Variants in ACTR3 observed in about 807,000 individuals in gnomAD.
The protein encoded by ACTR3 is actin-related protein 3.
ACTR3 carries 12 observed loss-of-function variants against 56.8 expected under a neutral mutation model. That is an observed-to-expected ratio of 0.21 (90% CI 0.14 to 0.34). ACTR3 has a LOEUF of 0.34. Ranked by LOEUF, ACTR3 falls within the 10% of genes least tolerant of loss-of-function variation. The pLI is 1.00. For synonymous variants in ACTR3, 162 were observed against 167.4 expected (o/e 0.97, Z 0.25); for missense variants, 282 against 512.5 (o/e 0.55, Z 4.34).
chr2:113,951,610 A>T, intron 9 of ACTR3, 39 bp downstream of exon 9: 1 of 1,567,632 alleles, frequency 6.4e-7, no homozygotes, highest in East Asian at 2.2e-5. Context: ...TCTTACTTTA[A>T]AAAAACTTAA....
chr2:113,890,030 G>C, upstream of ACTR3: 1 of 586,366 alleles, frequency 1.7e-6, no homozygotes, highest in Non-Finnish European at 3.1e-6. Flanking sequence ...TGAGGAGGAG[G>C]GAAGAGAGAG....
At chr2:113,902,133 C>T (rs1679110971) in intron 1 of ACTR3, among the ~76,000 whole-genome samples, 1 of 152,134 alleles carries the variant, frequency 6.6e-6, no homozygotes, top group Non-Finnish European at 1.5e-5. Context: ...TGACTGTCCC[C>T]AAATCCACTT....
At chr2:113,924,319 C>T (rs960516444) in intron 3 of ACTR3, among the ~76,000 whole-genome samples, 13 of 151,884 alleles carry the variant, frequency 8.6e-5, no homozygotes, top group Admixed American at 8.5e-4. Context: ...TCAAGCCATC[C>T]TCTCACCTTG....
At chr2:113,908,564 TTAAAG>T (rs1489002723) in intron 1 of ACTR3, among the ~76,000 whole-genome samples, 2 of 152,002 alleles carry the variant, frequency 1.3e-5, no homozygotes, top group Non-Finnish European at 1.5e-5. Context: ...CATATAAGCA[TTAAAG>T]TATTTTTATA....
intron 1 of ACTR3, among the ~76,000 whole-genome samples, chr2:113,908,490 AT>A (rs1423201647): frequency 1.3e-5 from 2 of 151,342 alleles, no homozygotes; most frequent in African/African-American, 4.8e-5. Context: ...ATACTTTCTA[AT>A]TTTTTTCTTT....
chr2:113,906,826 A>G (rs988430708), intron 1 of ACTR3, among the ~76,000 whole-genome samples: 1 of 152,170 alleles, frequency 6.6e-6, no homozygotes, highest in African/African-American at 2.4e-5. Flanking sequence ...TTCTTATGCC[A>G]GTACCATACT....
Position 113,931,455 on chromosome 2 carries a change from T to A in ACTR3, c.432+59T>A, listed in dbSNP as rs1679722044. On this transcript the variant is annotated intron_variant, in intron 5 of 11. Transcript: ENST00000263238. ...TACATTTTAACCTAGTTTAATTTGC[T>A]GCCTAAAATACGTACTTTTTTTTTT... 5.0e-6 allele frequency: 6 copies of A among 1,195,320 alleles called. No individual in the cohort carries two copies. In the South Asian group the frequency reaches 6.5e-5, roughly 13 times the overall value. The allele number at this position is 1,195,320 out of a possible 1,614,324, so 74.0% of individuals were successfully genotyped here. A position where few individuals can be genotyped will look rare whatever the true frequency, so the allele number is the denominator to read the frequency against.
chr2:113,929,928 C>T (rs1224258154), intron 4 of ACTR3, among the ~76,000 whole-genome samples: 2 of 152,178 alleles, frequency 1.3e-5, no homozygotes, highest in Non-Finnish European at 2.9e-5. Flanking sequence ...ATCTGCCCAC[C>T]TCGGCCTCCC....
At chr2:113,899,502 CA>C (rs1237212453) in intron 1 of ACTR3, among the ~76,000 whole-genome samples, 1 of 152,106 alleles carries the variant, frequency 6.6e-6, no homozygotes, top group Non-Finnish European at 1.5e-5. Flanking sequence ...AGTTTAGTTT[CA>C]AAGATGAAAC....
At chr2:113,939,268 C>T (rs1394991085) in intron 6 of ACTR3, among the ~76,000 whole-genome samples, 9 of 152,094 alleles carry the variant, frequency 5.9e-5, no homozygotes, top group East Asian at 3.9e-4. Flanking sequence ...GTGATCCGCC[C>T]GTCTCGGCCT....
chr2:113,908,625 G>A (rs1345166199), intron 1 of ACTR3, among the ~76,000 whole-genome samples: 2 of 151,586 alleles, frequency 1.3e-5, no homozygotes, highest in Non-Finnish European at 2.9e-5. Context: ...CTACGGTTCT[G>A]TTCTTATTTT....
chr2:113,942,480 A>G (rs894202284), intron 8 of ACTR3, 121 bp downstream of exon 8: 2 of 643,378 alleles, frequency 3.1e-6, no homozygotes, highest in Non-Finnish European at 4.5e-6. Flanking sequence ...GTTTTTATGA[A>G]AAGTTTATAA....
chr2:113,942,745 C>A (rs1489101449), intron 8 of ACTR3, among the ~76,000 whole-genome samples: 1 of 151,718 alleles, frequency 6.6e-6, no homozygotes, highest in Non-Finnish European at 1.5e-5. Flanking sequence ...GTAAAATGAC[C>A]ATTATACAAA....
chr2:113,927,255 C>G lies in ACTR3; in HGVS notation c.226-90C>G, dbSNP rs190516706. ...TATGAATATATCCTCATCTAATATC[C>G]ACTAATGATCTGATATTTCCTTTTT... On this transcript the variant is annotated intron_variant, in intron 3 of 11. Coordinates refer to ENST00000263238, the MANE Select transcript of ACTR3 (RefSeq NM_005721.5). 1.1e-5 allele frequency: 8 copies of G among 738,042 alleles called. No individual in the cohort carries two copies. In the Admixed American group the frequency reaches 2.2e-4, roughly 21 times the overall value. The allele number at this position is 738,042 out of a possible 1,614,324, so 45.7% of individuals were successfully genotyped here. A position where few individuals can be genotyped will look rare whatever the true frequency, so the allele number is the denominator to read the frequency against.
At chr2:113,923,389 G>A (rs558338403) in intron 3 of ACTR3, among the ~76,000 whole-genome samples, 42 of 152,190 alleles carry the variant, frequency 2.8e-4, no homozygotes, top group African/African-American at 9.2e-4. Context: ...CCAGGCTAGA[G>A]TGCAGTGGCG....
At chr2:113,901,964 T>C (rs1041066000) in intron 1 of ACTR3, among the ~76,000 whole-genome samples, 2 of 152,258 alleles carry the variant, frequency 1.3e-5, no homozygotes, top group African/African-American at 4.8e-5. Flanking sequence ...CAGGCATAAG[T>C]TGTTTTACTA....
At chr2:113,935,232 A>G (rs949553190) in intron 6 of ACTR3, among the ~76,000 whole-genome samples, 4 of 149,382 alleles carry the variant, frequency 2.7e-5, no homozygotes, top group African/African-American at 7.5e-5. Context: ...ATACCATACA[A>G]TTCACTTCTT....
In ACTR3 at chr2:113,927,329, C is replaced by CTTTTTTT; in HGVS notation, c.226-11_226-10insTTTTTTT. 1 of 1,474,808 alleles carries CTTTTTTT rather than the reference C, an allele frequency of 6.8e-7. No homozygotes were observed. The highest frequency in any genetic ancestry group is 9.1e-7 in the Non-Finnish European group (1 of 1,098,532). The allele number at this position is 1,474,808 out of a possible 1,614,324, so 91.4% of individuals were successfully genotyped here. On this transcript the variant is annotated splice_polypyrimidine_tract_variant and intron_variant, in intron 3 of 11. Coordinates refer to ENST00000263238, the MANE Select transcript of ACTR3 (RefSeq NM_005721.5). ...TTAATAAGATTTAATTTGTATTTCC[C>CTTTTTTT]TTTTTGTTTTAATAGTGGCCAATCC...
At position 113,922,463 on chromosome 2, in the gene ACTR3, C is replaced by G. The variant is rs555984460; in HGVS notation, c.226-4882C>G. 3.3e-5 allele frequency among the ~76,000 whole-genome samples: 5 copies of G among 152,130 alleles called. No homozygotes were observed. In the South Asian group the frequency reaches 1.0e-3, roughly 32 times the overall value. ...TGACTGTTGGCTTCTGCTGCTTCTG[C>G]GAAATATGTGGTGGCATCATCTGCT... is the stretch of plus-strand genomic sequence containing the variant. On this transcript the variant is annotated intron_variant, in intron 3 of 11. Transcript: ENST00000263238.
Sources: allele counts gnomAD v4.1 joint callset (sites outside exome capture counted in the v4.1 genomes callset), GRCh38; gene constraint gnomAD v4.1.1; transcripts MANE v1.5; gene names NCBI Gene and HGNC (gene_info 2026-07-23, HGNC 2026-07-21).